The following LHCGR variants were observed in gnomAD, a reference collection of about 807,000 sequenced individuals.
LHCGR encodes lutropin-choriogonadotropic hormone receptor.
LHCGR carries 55 observed loss-of-function variants against 60.7 expected under a neutral mutation model. The observed-to-expected ratio is 0.91, with a 90% CI of 0.73 to 1.13. The LOEUF is 1.13. LHCGR is among the 50% of genes most tolerant of loss of function. The pLI is 0.00. For synonymous variants in LHCGR, 337 were observed against 316.5 expected, an observed-to-expected ratio of 1.06 and a Z score of -0.69; for missense variants, 862 against 836.0, an observed-to-expected ratio of 1.03 and a Z score of -0.38.
rs752588029 is a variant in LHCGR, at chr2:48,732,946, GAGA to G, written c.162-1651_162-1649del. 42 of 534,340 alleles carry G rather than the reference GAGA, an allele frequency of 7.9e-5. 1 individual carries two copies. Among genetic ancestry groups the G allele is most frequent in the South Asian group, 5.3e-4 (38 of 71,568 alleles). The allele number at this position is 534,340 out of a possible 1,614,324, so 33.1% of individuals were successfully genotyped here. ...CCTAAACTCATTTAACAAAGGATCC[GAGA>G]AGAACAGGGACAGTGTGGGAAGAAA... is the stretch of plus-strand genomic sequence containing the variant. On this transcript the variant is annotated intron_variant, in intron 1 of 10. Coordinates refer to ENST00000294954, the MANE Select transcript of LHCGR (RefSeq NM_000233.4).
At chr2:48,711,158 T>A (rs1667970141) in intron 7 of LHCGR, among the ~76,000 whole-genome samples, 1 of 152,234 alleles carries the variant, frequency 6.6e-6, no homozygotes. Flanking sequence ...TTGTCATCCT[T>A]CAGGCTCAGC....
rs765530180 is a variant in LHCGR, at chr2:48,687,723, C to G, written c.2074G>C (p.Asp692His). Residue 692 changes from aspartate to histidine, a missense_variant, in exon 11 of 11, where the codon GAC becomes CAC. Transcript: ENST00000294954. ...TLHCQGTALL[D>H]KTRYTEC The stretch of plus-strand genomic sequence containing the variant: ...TAACACTCTGTGTAGCGAGTCTTGT[C>G]TAGGAGAGCTGTACCTTGACAGTGC... The G allele has an allele frequency of 3.1e-6, 5 of 1,613,852 alleles. No individual in the cohort carries two copies. The highest frequency in any genetic ancestry group is 4.2e-6 in the Non-Finnish European group (5 of 1,179,934).
At chr2:48,712,714 G>T (rs1668054364) in intron 7 of LHCGR, among the ~76,000 whole-genome samples, 1 of 150,974 alleles carries the variant, frequency 6.6e-6, no homozygotes, top group Admixed American at 6.6e-5. Context: ...TAATAAATAA[G>T]CACCTACTCT....
At position 48,698,719 on chromosome 2, in the gene LHCGR, A is replaced by C; in HGVS notation, c.762T>G (p.Tyr254Ter). The change falls in exon 9 of 11, where the codon TAT (tyrosine) becomes TAG (stop). Residue 254 changes from tyrosine to a stop codon, truncating the protein, a stop_gained. Coordinates refer to ENST00000294954, the MANE Select transcript of LHCGR (RefSeq NM_000233.4). LOFTEE classifies it high-confidence loss of function. ...SIQRLIATSS[Y>*]SLKKLPSRET... The stretch of plus-strand genomic sequence containing the variant: ...CTCTTGATGGCAATTTTTTTAGAGA[A>C]TAGGATGACGTGGCAATTAGCCTCT... The C allele has an allele frequency of 3.1e-6, 5 of 1,614,210 alleles. No individual in the cohort carries two copies. Among genetic ancestry groups the C allele is most frequent in the Non-Finnish European group, 4.2e-6 (5 of 1,179,998 alleles).
intron 10 of LHCGR, among the ~76,000 whole-genome samples, chr2:48,693,124 C>T (rs4953611): frequency 0.87 from 132,782 of 152,098 alleles, 58,309 homozygotes; most frequent in East Asian, 1. Context: ...AAGAGTTACA[C>T]AGAAGGTTGC....
chr2:48,741,691 G>A (rs373024325), intron 1 of LHCGR, among the ~76,000 whole-genome samples: 17,965 of 150,966 alleles, frequency 0.12, 1,283 homozygotes, highest in South Asian at 0.29. Flanking sequence ...CCTGAAGGAA[G>A]CGCTAAACAT....
At position 48,712,120 on chromosome 2, in the gene LHCGR, C is replaced by G. The variant is rs973959479; in HGVS notation, c.605+1866G>C. Among the ~76,000 whole-genome samples, 6 of 151,958 alleles carry G rather than the reference C, an allele frequency of 3.9e-5. No individual in the cohort carries two copies. The South Asian group carries it at 6.2e-4, about 16-fold the overall frequency. ...CTTTTTGCCTAAGTTATGCCCAGCT[C>G]AAAGCCCACCTTTCTCAGAGGCTTT... On this transcript the variant is annotated intron_variant, in intron 7 of 10. Coordinates refer to ENST00000294954, the MANE Select transcript of LHCGR (RefSeq NM_000233.4).
At chr2:48,733,190 A>G (rs1316222199) in intron 1 of LHCGR, 2 of 305,114 alleles carry the variant, frequency 6.6e-6, no homozygotes, top group Non-Finnish European at 6.5e-6. Context: ...AATGCAGTGC[A>G]GAACATATTT....
chr2:48,698,699 G>A lies in LHCGR; in HGVS notation c.782C>T (p.Ser261Leu). ...CAGGAGATTGACAAATGTTTCTCTT[G>A]ATGGCAATTTTTTTAGAGAATAGGA... ...TSSYSLKKLP[S>L]RETFVNLLEA... Residue 261 changes from serine (S) to leucine (L), a missense_variant, in exon 9 of 11, where the codon TCA (serine) becomes TTA (leucine). Coordinates refer to ENST00000294954, the MANE Select transcript of LHCGR (RefSeq NM_000233.4). 6.2e-7 allele frequency: 1 copy of A among 1,614,112 alleles called. No individual in the cohort carries two copies. Among genetic ancestry groups the A allele is most frequent in the Non-Finnish European group, 8.5e-7 (1 of 1,179,984 alleles).
intron 1 of LHCGR, among the ~76,000 whole-genome samples, chr2:48,749,476 C>G (rs1417659388): frequency 6.6e-6 from 1 of 152,190 alleles, no homozygotes; most frequent in Admixed American, 6.5e-5. Flanking sequence ...AAGTGAGCAG[C>G]AGGGCTTCTC....
intron 1 of LHCGR, among the ~76,000 whole-genome samples, chr2:48,742,606 A>G (rs1324643359): frequency 1.1e-4 from 16 of 151,428 alleles, no homozygotes; most frequent in Admixed American, 2.6e-4. Context: ...GGTACATAAC[A>G]AAATGAAGGC....
intron 1 of LHCGR, among the ~76,000 whole-genome samples, chr2:48,754,164 T>C (rs567503572): frequency 6.6e-6 from 1 of 152,322 alleles, no homozygotes; most frequent in Admixed American, 6.5e-5. Context: ...GACAAGATAA[T>C]TAATGGAAAC....
chr2:48,698,944 C>T (rs1240187107), intron 8 of LHCGR, 144 bp from the exon 9 acceptor site: 2 of 629,438 alleles, frequency 3.2e-6, no homozygotes, highest in South Asian at 1.9e-5. Context: ...TGGGTTCACG[C>T]CATTCTCCTG....
intron 9 of LHCGR, among the ~76,000 whole-genome samples, chr2:48,695,410 G>A (rs1667065100): frequency 6.6e-6 from 1 of 152,100 alleles, no homozygotes; most frequent in African/African-American, 2.4e-5. Context: ...TTTCATTTAG[G>A]ACTTTTACAG....
chr2:48,694,930 C>T (rs930503726), intron 9 of LHCGR, among the ~76,000 whole-genome samples: 1 of 152,088 alleles, frequency 6.6e-6, no homozygotes, highest in African/African-American at 2.4e-5. Context: ...AAGGGAGATA[C>T]AAATGAATAA....
chr2:48,723,730 A>G (rs1394512271), intron 4 of LHCGR, 34 bp from the exon 5 acceptor site: 2 of 1,473,082 alleles, frequency 1.4e-6, no homozygotes, highest in Non-Finnish European at 1.9e-6. Flanking sequence ...GTGTGGGCAG[A>G]GAGTGGGTAA....
chr2:48,696,742 C>T (rs1667132412), intron 9 of LHCGR, among the ~76,000 whole-genome samples: 1 of 152,214 alleles, frequency 6.6e-6, no homozygotes, highest in African/African-American at 2.4e-5. Flanking sequence ...TATTATTCTT[C>T]TACAATACTT....
At chr2:48,734,861 C>A (rs1184611583) in intron 1 of LHCGR, among the ~76,000 whole-genome samples, 6 of 152,220 alleles carry the variant, frequency 3.9e-5, no homozygotes, top group African/African-American at 1.4e-4. Flanking sequence ...CACAACTATG[C>A]ACCTCAGATG....
chr2:48,688,384 A>G lies in LHCGR; in HGVS notation c.1413T>C (p.Ala471=). 1 of 1,614,188 alleles carries G rather than the reference A, an allele frequency of 6.2e-7. No individual in the cohort carries two copies. The change falls in exon 11 of 11, where the codon GCT becomes GCC. Residue 471 remains alanine, a synonymous_variant. Transcript: ENST00000294954. The surrounding 1 kb of genome is among the most constrained non-coding windows in gnomAD (Gnocchi z 5.2). ...TLERWHTITY[A]IHLDQKLRLR... ...ATCGCAGCTTTTGGTCCAGGTGAAT[A>G]GCATAGGTGATGGTGTGCCATCTTT...
Sources: allele counts gnomAD v4.1 joint callset (sites outside exome capture counted in the v4.1 genomes callset), GRCh38; gene constraint gnomAD v4.1.1; non-coding constraint Gnocchi (gnomAD v3.1); transcripts MANE v1.5; gene names NCBI Gene and HGNC (gene_info 2026-07-23, HGNC 2026-07-21).